CDKL4: variants seen among roughly 807,000 people sequenced by gnomAD.
CDKL4 encodes the protein cyclin-dependent kinase-like 4.
CDKL4 carries 44 observed loss-of-function variants against 42.0 expected under a neutral mutation model. That is an observed-to-expected ratio of 1.05 (90% CI 0.82 to 1.35). The LOEUF (loss-of-function observed/expected upper bound fraction) is 1.35. Among genes scored for constraint, CDKL4 ranks in the 40% most tolerant of loss-of-function variants. The pLI is 0.00. For synonymous variants in CDKL4, 120 were observed against 121.6 expected, an observed-to-expected ratio of 0.99 and a Z score of 0.09; for missense variants, 393 against 369.9, an observed-to-expected ratio of 1.06 and a Z score of -0.51.
intron 2 of CDKL4, among the ~76,000 whole-genome samples, chr2:39,227,533 G>A (rs1452354051): frequency 6.6e-6 from 1 of 152,108 alleles, no homozygotes; most frequent in Non-Finnish European, 1.5e-5. Flanking sequence ...TTCGAGATCA[G>A]CCTAAGCAAC....
chr2:39,221,290 C>G (rs558717944), intron 3 of CDKL4, among the ~76,000 whole-genome samples: 1 of 152,062 alleles, frequency 6.6e-6, no homozygotes, highest in Non-Finnish European at 1.5e-5. Context: ...GCTGGGATTA[C>G]AGGCGTGAGC....
intron 4 of CDKL4, among the ~76,000 whole-genome samples, chr2:39,209,261 G>C (rs1033338434): frequency 6.6e-6 from 1 of 150,910 alleles, no homozygotes; most frequent in Non-Finnish European, 1.5e-5. Flanking sequence ...GCAGTGAGCC[G>C]TGAAGGCGCC....
At chr2:39,230,406 A>G (rs1469213595) in intron 1 of CDKL4, among the ~76,000 whole-genome samples, 1 of 152,222 alleles carries the variant, frequency 6.6e-6, no homozygotes, top group East Asian at 1.9e-4. Context: ...TTTTATTTTC[A>G]TGGAAGAACA....
At chr2:39,169,042 A>T in the CDKL4 span, among the ~76,000 whole-genome samples, 4 of 152,164 alleles carry the variant, frequency 2.6e-5, no homozygotes, top group African/African-American at 9.7e-5. Flanking sequence ...GGCGTGAGCC[A>T]CTGTGCCAGG....
chr2:39,179,210 C>T, exon 9 of CDKL4: 1 of 1,610,914 alleles, frequency 6.2e-7, no homozygotes, highest in South Asian at 1.1e-5. Context: ...CTGTTTCTTC[C>T]TTCATTACGT....
At chr2:39,220,280 G>T (rs560185973) in intron 3 of CDKL4, among the ~76,000 whole-genome samples, 4 of 152,198 alleles carry the variant, frequency 2.6e-5, no homozygotes, top group South Asian at 2.1e-4. Context: ...CAGACTCTCA[G>T]ATCTCACCTG....
At chr2:39,232,854 G>C (rs1225229873) in intron 1 of CDKL4, among the ~76,000 whole-genome samples, 2 of 151,778 alleles carry the variant, frequency 1.3e-5, no homozygotes, top group Non-Finnish European at 2.9e-5. Flanking sequence ...GACCATCCTG[G>C]CTAACACGAT....
chr2:39,208,102 A>AAAAT (rs1420287300), intron 4 of CDKL4, among the ~76,000 whole-genome samples: 2 of 152,068 alleles, frequency 1.3e-5, no homozygotes, highest in South Asian at 2.1e-4. Flanking sequence ...ACTCTGTCTC[A>AAAAT]AAATAAATAA....
intron 1 of CDKL4, among the ~76,000 whole-genome samples, chr2:39,235,335 G>C (rs915800430): frequency 3.3e-5 from 5 of 151,976 alleles, no homozygotes; most frequent in Admixed American, 2.6e-4. Flanking sequence ...CAAAGTAAAG[G>C]TAGAAACAAG....
chr2:39,188,625 C>T (rs565021761), intron 6 of CDKL4, among the ~76,000 whole-genome samples: 1 of 142,662 alleles, frequency 7.0e-6, no homozygotes, highest in Non-Finnish European at 1.5e-5. Context: ...GGTCTTTACA[C>T]ACATTATCTC....
intron 6 of CDKL4, 117 bp downstream of exon 6, chr2:39,190,188 C>G (rs763189493): frequency 2.4e-5 from 17 of 708,712 alleles, no homozygotes; most frequent in Non-Finnish European, 3.0e-5. Flanking sequence ...CTGAGTGACA[C>G]TTTGAAGAAG....
At chr2:39,213,559 G>C (rs951462065) in intron 3 of CDKL4, 87 bp from the exon 4 acceptor site, 2 of 803,204 alleles carry the variant, frequency 2.5e-6, no homozygotes, top group Non-Finnish European at 4.3e-6. Flanking sequence ...AGTGGTGAGG[G>C]ACTGTCCTCT....
intron 4 of CDKL4, among the ~76,000 whole-genome samples, chr2:39,212,666 CTA>C (rs1471501703): frequency 1.3e-5 from 2 of 151,266 alleles, no homozygotes; most frequent in African/African-American, 4.9e-5. Context: ...TGAAAACTTA[CTA>C]TTATTTTTGG....
chr2:39,234,003 T>C (rs1288869895), intron 1 of CDKL4, among the ~76,000 whole-genome samples: 1 of 146,354 alleles, frequency 6.8e-6, no homozygotes, highest in Non-Finnish European at 1.5e-5. Context: ...AACCTCTGCC[T>C]CCCGGGTTCA....
intron 1 of CDKL4, among the ~76,000 whole-genome samples, chr2:39,239,160 C>T (rs1351563711): frequency 2.0e-5 from 3 of 152,058 alleles, no homozygotes; most frequent in Non-Finnish European, 4.4e-5. Flanking sequence ...AAACAACAAA[C>T]ACACACAGTA....
At chr2:39,170,010 G>A in the CDKL4 span, among the ~76,000 whole-genome samples, 11 of 151,982 alleles carry the variant, frequency 7.2e-5, no homozygotes, top group African/African-American at 2.2e-4. Context: ...ACAGGCCCAC[G>A]CCACCACTCC....
chr2:39,237,771 CATT>C (rs1309113751), intron 1 of CDKL4, among the ~76,000 whole-genome samples: 7 of 152,052 alleles, frequency 4.6e-5, no homozygotes, highest in Non-Finnish European at 2.9e-5. Context: ...GTAAAACTGT[CATT>C]ATTCAGAAAT....
intron 4 of CDKL4, among the ~76,000 whole-genome samples, chr2:39,209,150 A>AAATT (rs1488605099): frequency 1.4e-5 from 1 of 73,040 alleles, no homozygotes; most frequent in African/African-American, 3.3e-5. Context: ...AAAAAAAAAA[A>AAATT]TTTTTTTTTT....
intron 9 of CDKL4, 109 bp downstream of exon 9, chr2:39,179,078 A>C: frequency 6.6e-7 from 1 of 1,522,390 alleles, no homozygotes; most frequent in Non-Finnish European, 8.7e-7. Flanking sequence ...CAACTACACC[A>C]GTACAAATGA....
Sources: allele counts gnomAD v4.1 joint callset (sites outside exome capture counted in the v4.1 genomes callset), GRCh38; gene constraint gnomAD v4.1.1; transcripts MANE v1.5; gene names NCBI Gene and HGNC (gene_info 2026-07-23, HGNC 2026-07-21).